Variants in MGAT4C observed in about 807,000 individuals in gnomAD.
MGAT4C encodes alpha-1,3-mannosyl-glycoprotein 4-beta-N-acetylglucosaminyltransferase C.
MGAT4C carries 19 observed loss-of-function variants against 40.1 expected under a neutral mutation model. The observed-to-expected ratio is 0.47, with a 90% CI of 0.33 to 0.70. MGAT4C has a LOEUF of 0.70. Ranked by LOEUF, MGAT4C falls within the 30% of genes least tolerant of loss-of-function variation. The probability of loss-of-function intolerance (pLI) is 0.02; values close to 1 mark genes in which losing one functional copy is unlikely to be tolerated. For missense variants in MGAT4C, 491 were observed against 563.2 expected (o/e 0.87, Z 1.30); for synonymous variants, 181 against 187.1 (o/e 0.97, Z 0.27).
intron 4 of MGAT4C, among the ~76,000 whole-genome samples, chr12:86,328,498 T>C (rs188981476): frequency 1.2e-4 from 18 of 152,196 alleles, no homozygotes; most frequent in African/African-American, 3.6e-4. Context: ...AAGGTCAGTA[T>C]AAAAATTAAT....
chr12:86,706,449 G>C (rs1950460000), intron 2 of MGAT4C, among the ~76,000 whole-genome samples: 1 of 151,264 alleles, frequency 6.6e-6, no homozygotes, highest in African/African-American at 2.4e-5. Flanking sequence ...AATAGGGATA[G>C]GGTCTCTCTA....
At chr12:86,201,686 G>A (rs1338988111) in intron 1 of MGAT4C, among the ~76,000 whole-genome samples, 1 of 151,616 alleles carries the variant, frequency 6.6e-6, no homozygotes, top group African/African-American at 2.4e-5. Flanking sequence ...TAGTCCATTT[G>A]TAACAAATTG....
At chr12:86,467,213 G>T (rs1225517450) in intron 2 of MGAT4C, among the ~76,000 whole-genome samples, 1 of 152,082 alleles carries the variant, frequency 6.6e-6, no homozygotes, top group African/African-American at 2.4e-5. Context: ...TAAAAGAAAA[G>T]AACCTTATTC....
chr12:86,325,316 T>C (rs1212382342), intron 4 of MGAT4C, among the ~76,000 whole-genome samples: 1 of 152,184 alleles, frequency 6.6e-6, no homozygotes, highest in Non-Finnish European at 1.5e-5. Flanking sequence ...TTAATCATTG[T>C]ATATTCCAGC....
intron 2 of MGAT4C, among the ~76,000 whole-genome samples, chr12:86,447,824 C>T (rs1268541683): frequency 6.6e-6 from 1 of 152,088 alleles, no homozygotes; most frequent in Non-Finnish European, 1.5e-5. Flanking sequence ...GTGTTTTGTA[C>T]TTGCTGATCT....
intron 2 of MGAT4C, among the ~76,000 whole-genome samples, chr12:86,582,784 G>A (rs912392566): frequency 6.6e-6 from 1 of 151,080 alleles, no homozygotes; most frequent in Non-Finnish European, 1.5e-5. Flanking sequence ...AAGGACATTG[G>A]GACTTATGTC....
chr12:86,807,061 G>A lies in MGAT4C; in HGVS notation c.-262+31605C>T, dbSNP rs1225625946. Among the ~76,000 whole-genome samples the A allele has an allele frequency of 4.0e-5, 6 of 150,944 alleles. No individual in the cohort carries two copies. The East Asian group carries it at 5.8e-4, about 15-fold the overall frequency. ...AAATAAATTATCAAAAAAAGAAAAC[G>A]TCTTATATATGAAACTATATATAAG... On this transcript the variant is annotated intron_variant, in intron 1 of 7. Transcript: ENST00000548651.
intron 2 of MGAT4C, among the ~76,000 whole-genome samples, chr12:86,685,336 AGATGGTTGTAGAGGTGT>A (rs1323029780): frequency 6.6e-6 from 1 of 152,198 alleles, no homozygotes; most frequent in Non-Finnish European, 1.5e-5. Flanking sequence ...GTCAAAGTTC[AGATGGTTGTAGAGGTGT>A]GATGTTATTT....
intron 4 of MGAT4C, among the ~76,000 whole-genome samples, chr12:86,261,462 C>T (rs1274268846): frequency 6.6e-6 from 1 of 152,004 alleles, no homozygotes; most frequent in Non-Finnish European, 1.5e-5. Flanking sequence ...ACCTAGAAGG[C>T]TGAAATGTCA....
chr12:85,986,869 A>G (rs1885264535), intron 3 of MGAT4C, among the ~76,000 whole-genome samples: 1 of 152,150 alleles, frequency 6.6e-6, no homozygotes, highest in Non-Finnish European at 1.5e-5. Context: ...TCCCATGGAT[A>G]CTATTCATTT....
chr12:86,784,185 T>C (rs1951893000), intron 1 of MGAT4C, among the ~76,000 whole-genome samples: 1 of 152,116 alleles, frequency 6.6e-6, no homozygotes, highest in Admixed American at 6.5e-5. Context: ...GAAGGGGAAT[T>C]TGTTGCAACT....
At chr12:86,539,050 G>A (rs1959127274) in intron 2 of MGAT4C, among the ~76,000 whole-genome samples, 1 of 151,402 alleles carries the variant, frequency 6.6e-6, no homozygotes, top group African/African-American at 2.4e-5. Flanking sequence ...TATACTTTAA[G>A]TTCTAGGGTA....
intron 1 of MGAT4C, among the ~76,000 whole-genome samples, chr12:86,077,390 T>G (rs1869946831): frequency 1.3e-5 from 2 of 152,114 alleles, no homozygotes; most frequent in Admixed American, 6.5e-5. Flanking sequence ...TGATGTGAAG[T>G]CAATAAATCT....
At chr12:86,752,140 A>G (rs1951238790) in intron 1 of MGAT4C, among the ~76,000 whole-genome samples, 1 of 152,032 alleles carries the variant, frequency 6.6e-6, no homozygotes. Flanking sequence ...TTTATATAGA[A>G]AAGTTATTTT....
At chr12:86,301,859 C>T (rs951560880) in intron 4 of MGAT4C, among the ~76,000 whole-genome samples, 1 of 152,192 alleles carries the variant, frequency 6.6e-6, no homozygotes, top group African/African-American at 2.4e-5. Context: ...AATGTACAAT[C>T]AAGGTTTATG....
At chr12:86,625,963 C>A (rs1042077146) in intron 2 of MGAT4C, among the ~76,000 whole-genome samples, 4 of 151,968 alleles carry the variant, frequency 2.6e-5, no homozygotes, top group African/African-American at 9.7e-5. Flanking sequence ...GAATAAAAAA[C>A]CAAGACCCAC....
At chr12:86,447,034 C>T (rs1592859085) in intron 2 of MGAT4C, among the ~76,000 whole-genome samples, 1 of 152,048 alleles carries the variant, frequency 6.6e-6, no homozygotes, top group African/African-American at 2.4e-5. Context: ...AATACGAAGG[C>T]TAAGGGATTG....
At chr12:86,109,735 C>T (rs1876879746) in intron 1 of MGAT4C, among the ~76,000 whole-genome samples, 1 of 151,906 alleles carries the variant, frequency 6.6e-6, no homozygotes, top group Non-Finnish European at 1.5e-5. Context: ...GCTAGTCACA[C>T]ATTTTTTTAA....
At chr12:86,665,373 C>T (rs1964077864) in intron 2 of MGAT4C, among the ~76,000 whole-genome samples, 1 of 151,882 alleles carries the variant, frequency 6.6e-6, no homozygotes, top group African/African-American at 2.4e-5. Context: ...AAAAGTTATA[C>T]AACTTTTTTT....
Sources: allele counts gnomAD v4.1 joint callset (sites outside exome capture counted in the v4.1 genomes callset), GRCh38; gene constraint gnomAD v4.1.1; transcripts MANE v1.5; gene names NCBI Gene and HGNC (gene_info 2026-07-23, HGNC 2026-07-21).